Variants in PISD observed in about 807,000 individuals in gnomAD.
PISD encodes the protein phosphatidylserine decarboxylase proenzyme, mitochondrial.
Under a neutral mutation model 43.5 loss-of-function variants are expected in PISD, and 31 were observed. The ratio of observed to expected loss-of-function variants is 0.71; its 90% confidence interval spans 0.54 to 0.96. The LOEUF (loss-of-function observed/expected upper bound fraction) is 0.96, where lower values mean the gene tolerates loss of function less well. Among genes scored for constraint, PISD ranks in the 40% least tolerant of loss-of-function variants. PISD has a pLI of 0.00. For synonymous variants in PISD, 259 were observed against 228.7 expected (o/e 1.13, Z -1.20); for missense variants, 523 against 548.4 (o/e 0.95, Z 0.46).
chr22:31,627,397 C>T (rs1014746288), intron 3 of PISD, among the ~76,000 whole-genome samples: 1 of 152,262 alleles, frequency 6.6e-6, no homozygotes, highest in African/African-American at 2.4e-5. Flanking sequence ...ATAGACAGCC[C>T]CAGTGTCCAG....
At chr22:31,660,009 T>C (rs2074276600) in intron 1 of PISD, among the ~76,000 whole-genome samples, 1 of 152,162 alleles carries the variant, frequency 6.6e-6, no homozygotes, top group African/African-American at 2.4e-5. Context: ...TTAGGAAACA[T>C]GGCCCTAAAT....
intron 3 of PISD, among the ~76,000 whole-genome samples, chr22:31,637,119 A>C (rs1464676642): frequency 8.0e-6 from 1 of 125,396 alleles, no homozygotes; most frequent in Admixed American, 8.4e-5. Context: ...AAAACTCTAC[A>C]AAAAAAAATA....
At chr22:31,638,498 G>T (rs983570029) in intron 3 of PISD, 27 of 985,510 alleles carry the variant, frequency 2.7e-5, no homozygotes, top group Non-Finnish European at 3.0e-5. Context: ...ACGCTTGTTG[G>T]CCAAGAAGAC....
In PISD at chr22:31,630,412, CCCCGCCAATGCCAGCCGGCA is replaced by C. The variant is rs1469890230; in HGVS notation, c.322-8547_322-8528del. 1 of 143,350 alleles carries C rather than the reference CCCCGCCAATGCCAGCCGGCA, an allele frequency of 7.0e-6. No homozygotes were observed. Among genetic ancestry groups the C allele is most frequent in the African/African-American group, 2.6e-5 (1 of 39,108 alleles). The allele number at this position is 143,350 out of a possible 1,614,324, so 8.9% of individuals were successfully genotyped here. A position where few individuals can be genotyped will look rare whatever the true frequency, so the allele number is the denominator to read the frequency against. On this transcript the variant is annotated intron_variant, in intron 3 of 7. Coordinates refer to ENST00000439502, the MANE Select transcript of PISD (RefSeq NM_001326411.2). This position sits in a 1 kb window ranked among gnomAD's most constrained non-coding sequence, Gnocchi z 4.4. ...AAGGAGACGGAGCTCTCAGCCCGGG[CCCCGCCAATGCCAGCCGGCA>C]CCCCCTCACTTCCTGCAGCCGCCTC...
intron 1 of PISD, among the ~76,000 whole-genome samples, chr22:31,652,458 C>T (rs972354355): frequency 2.0e-5 from 3 of 151,896 alleles, no homozygotes; most frequent in African/African-American, 7.3e-5. Context: ...AGATATCCTA[C>T]AAATGTTATC....
intron 3 of PISD, among the ~76,000 whole-genome samples, chr22:31,647,262 T>C (rs2073911357): frequency 1.3e-5 from 2 of 152,292 alleles, no homozygotes; most frequent in South Asian, 4.1e-4. Flanking sequence ...GAAAGTGACA[T>C]GTCCCAGTTC....
intron 3 of PISD, chr22:31,632,211 G>A (rs1292493488): frequency 1.0e-6 from 1 of 984,846 alleles, no homozygotes; most frequent in Non-Finnish European, 1.2e-6. Flanking sequence ...AGTGCCACAT[G>A]ACAAGCCACA....
At position 31,621,694 on chromosome 22, in the gene PISD, G is replaced by A. The variant is rs1173337463; in HGVS notation, c.513C>T (p.Arg171=). Reference sequence around the variant, plus strand: ...CAGGCCGGGCCTGCGGCTTCAGCTTGCGCCGGAAGAACTCGCTGAGGTTGC... The same window carrying A: ...CAGGCCGGGCCTGCGGCTTCAGCTTACGCCGGAAGAACTCGCTGAGGTTGC... The part of the protein sequence containing the change: ...HYRNLSEFFR[R]KLKPQARPVC... The change falls in exon 4 of 8, where the codon CGC becomes CGT. Residue 171 remains arginine (R), a synonymous_variant. Transcript: ENST00000439502. 1 of 1,613,936 alleles carries A rather than the reference G, an allele frequency of 6.2e-7. No individual in the cohort carries two copies. The highest frequency in any genetic ancestry group is 2.2e-5 in the East Asian group (1 of 44,890).
intron 3 of PISD, among the ~76,000 whole-genome samples, chr22:31,628,554 A>G (rs2073029224): frequency 6.6e-6 from 1 of 152,222 alleles, no homozygotes; most frequent in African/African-American, 2.4e-5. Flanking sequence ...ACATGGCCTA[A>G]GGGCCAGTCA....
Position 31,630,679 on chromosome 22 carries a change from G to C in PISD, c.322-8794C>G, listed in dbSNP as rs1451480507. 4 of 967,194 alleles carry C rather than the reference G, an allele frequency of 4.1e-6. No individual in the cohort carries two copies. The highest frequency in any genetic ancestry group is 4.9e-6 in the Non-Finnish European group (4 of 813,216). The allele number at this position is 967,194 out of a possible 1,614,324, so 59.9% of individuals were successfully genotyped here. On this transcript the variant is annotated intron_variant, in intron 3 of 7. Transcript: ENST00000439502. The surrounding 1 kb of genome is among the most constrained non-coding windows in gnomAD (Gnocchi z 4.4). ...GTCACAGCTGGGAGAGCCCACCTGCGACCGAAGGCCCTAGAAGGGCACCCC... is the reference window on the plus strand; with the variant it reads ...GTCACAGCTGGGAGAGCCCACCTGCCACCGAAGGCCCTAGAAGGGCACCCC...
chr22:31,619,560 CCTCA>C lies in PISD; in HGVS notation c.*48_*51del. On this transcript the variant is annotated 3_prime_UTR_variant, in exon 8 of 8. Transcript: ENST00000439502. ...TCATGGGCCTCCCTCTTGAAAAGAC[CCTCA>C]CTCTGTTTGGAAAAGATCCCTTAGC... is the stretch of plus-strand genomic sequence containing the variant. 1.3e-6 allele frequency: 2 copies of C among 1,493,416 alleles called. No homozygotes were observed. The highest frequency in any genetic ancestry group is 1.9e-6 in the Non-Finnish European group (2 of 1,074,314). The allele number at this position is 1,493,416 out of a possible 1,614,324, so 92.5% of individuals were successfully genotyped here.
At position 31,633,632 on chromosome 22, in the gene PISD, G is replaced by A. The variant is rs528630430; in HGVS notation, c.322-11747C>T. On this transcript the variant is annotated intron_variant, in intron 3 of 7. Coordinates refer to ENST00000439502, the MANE Select transcript of PISD (RefSeq NM_001326411.2). Reference sequence around the variant, plus strand: ...CAGGAGGCTGAGGCAGGAGAATGGCGTGAACCCAGGAGGTGGAGGTTGCAG... The same window carrying A: ...CAGGAGGCTGAGGCAGGAGAATGGCATGAACCCAGGAGGTGGAGGTTGCAG... 1.4e-3 allele frequency among the ~76,000 whole-genome samples: 218 copies of A among 152,158 alleles called. 2 individuals are homozygous for A. Among genetic ancestry groups the A allele is most frequent in the Non-Finnish European group, 2.7e-3 (184 of 67,998 alleles).
At position 31,620,156 on chromosome 22, in the gene PISD, C is replaced by T. The variant is rs1406510423; in HGVS notation, c.1006-320G>A. 2.6e-5 allele frequency among the ~76,000 whole-genome samples: 4 copies of T among 152,364 alleles called. No homozygotes were observed. The East Asian group carries it at 7.7e-4, about 29-fold the overall frequency. The stretch of plus-strand genomic sequence containing the variant: ...GGTCACAAACTGACACCCAAAAAGG[C>T]AGCCCCTGGGGGCAGGGTGGGCAGC... On this transcript the variant is annotated intron_variant, in intron 7 of 7. Coordinates refer to ENST00000439502, the MANE Select transcript of PISD (RefSeq NM_001326411.2).
At chr22:31,623,695 G>A (rs753171358) in intron 3 of PISD, 77 of 1,613,658 alleles carry the variant, frequency 4.8e-5, no homozygotes, top group Non-Finnish European at 6.4e-5. Context: ...CTGCTTACGG[G>A]CCTCCATCCC....
In PISD at chr22:31,620,114, T is replaced by C. The variant is rs557861616; in HGVS notation, c.1006-278A>G. Among the ~76,000 whole-genome samples, 27 of 152,286 alleles carry C rather than the reference T, an allele frequency of 1.8e-4. 1 individual carries two copies. The South Asian group carries it at 5.6e-3, about 32-fold the overall frequency. Reference sequence around the variant, plus strand: ...CATGGTGCTGGGAGAGCAGCACCCGTGGGAGCCAAGGCCGTTGGTCACAAA... The same window carrying C: ...CATGGTGCTGGGAGAGCAGCACCCGCGGGAGCCAAGGCCGTTGGTCACAAA... On this transcript the variant is annotated intron_variant, in intron 7 of 7. Coordinates refer to ENST00000439502, the MANE Select transcript of PISD (RefSeq NM_001326411.2).
chr22:31,621,310 A>G (rs61249659), intron 5 of PISD, 24 bp downstream of exon 5: 105,323 of 1,613,398 alleles, frequency 0.065, 3,835 homozygotes, highest in African/African-American at 0.15. Flanking sequence ...AGGGCTGCCT[A>G]GCCCCGCCTG....
rs1279146387 is a variant in PISD at position 31,650,769 on chromosome 22, GGGAT to G, written c.71_74del (p.His24ProfsTer7). The G allele has an allele frequency of 9.0e-6, 14 of 1,550,552 alleles. No individual in the cohort carries two copies. The Admixed American group carries it at 2.0e-4, about 22-fold the overall frequency. Reference sequence around the variant, plus strand: ...ATTGGCTCAGGGCAGTGATCTCACAGGGATGGAGGCTATAACCAAGCAAAAATGA... The same window carrying G: ...ATTGGCTCAGGGCAGTGATCTCACAGGGAGGCTATAACCAAGCAAAAATGA... On this transcript the variant is annotated frameshift_variant, in exon 2 of 8. Transcript: ENST00000439502. LOFTEE classifies it high-confidence loss of function.
intron 3 of PISD, chr22:31,625,821 G>C (rs537103171): frequency 6.3e-7 from 1 of 1,598,354 alleles, no homozygotes; most frequent in Admixed American, 1.7e-5. Context: ...ATCATGGGCC[G>C]GCGCAGGGAG....
chr22:31,661,098 AAAC>A (rs199537486), intron 1 of PISD, among the ~76,000 whole-genome samples: 8,319 of 152,244 alleles, frequency 0.055, 206 homozygotes, highest in Non-Finnish European at 0.065. Context: ...ATAACATTGA[AAAC>A]AAAGTCTCCT....
Sources: gnomAD v4.1 joint callset for allele counts (sites outside exome capture counted in the v4.1 genomes callset) on GRCh38, gnomAD v4.1.1 for gene constraint, Gnocchi (gnomAD v3.1) non-coding constraint, MANE v1.5 for transcripts, NCBI Gene and HGNC (gene_info 2026-07-23, HGNC 2026-07-21) for gene names.